The following RGS6 variants were observed in gnomAD, a reference collection of about 807,000 sequenced individuals.
RGS6 encodes regulator of G protein signaling 6.
A neutral mutation model predicts 78.5 loss-of-function variants in RGS6; 30 were observed. The observed-to-expected ratio is 0.38, with a 90% confidence interval of 0.29 to 0.52. The LOEUF is 0.52. RGS6 is among the 20% of genes least tolerant of loss of function. RGS6 has a pLI of 0.85. For synonymous variants in RGS6, 206 were observed against 206.0 expected (o/e 1.00, Z 0.00); for missense variants, 495 against 609.7 (o/e 0.81, Z 1.98).
intron 2 of RGS6, among the ~76,000 whole-genome samples, chr14:72,347,809 AAAGAGTTACCCCTTTTT>A (rs2078343011): frequency 6.6e-6 from 1 of 152,244 alleles, no homozygotes; most frequent in African/African-American, 2.4e-5. Flanking sequence ...CATAGAGAAC[AAAGAGTTACCCCTTTTT>A]AAGGTAAAAT....
At chr14:72,605,982 G>A in the RGS6 span, among the ~76,000 whole-genome samples, 1 of 152,114 alleles carries the variant, frequency 6.6e-6, no homozygotes, top group Non-Finnish European at 1.5e-5. Context: ...TCACTGGTTT[G>A]AGTTGAAAGT....
At chr14:72,538,932 C>G (rs1302321205) in intron 16 of RGS6, among the ~76,000 whole-genome samples, 2 of 152,248 alleles carry the variant, frequency 1.3e-5, no homozygotes, top group African/African-American at 4.8e-5. Flanking sequence ...GTCCGCAGAC[C>G]CACAGACCTC....
intron 2 of RGS6, among the ~76,000 whole-genome samples, chr14:72,187,782 TCA>T (rs2097266924): frequency 6.6e-6 from 1 of 152,222 alleles, no homozygotes; most frequent in Admixed American, 6.5e-5. Flanking sequence ...TCTTCATTAT[TCA>T]CAGTTTCCAT....
At chr14:72,106,337 A>G (rs577311718) in intron 2 of RGS6, among the ~76,000 whole-genome samples, 1 of 152,204 alleles carries the variant, frequency 6.6e-6, no homozygotes, top group Non-Finnish European at 1.5e-5. Context: ...AAAAAAGCAA[A>G]TGTTTGCACT....
intron 2 of RGS6, among the ~76,000 whole-genome samples, chr14:72,265,938 T>G (rs940628298): frequency 1.5e-5 from 2 of 130,848 alleles, no homozygotes; most frequent in Non-Finnish European, 3.4e-5. Flanking sequence ...ATCGCTTTTT[T>G]GGGGGGGGGG....
At chr14:72,422,052 C>A (rs946435201) in intron 3 of RGS6, among the ~76,000 whole-genome samples, 1 of 152,172 alleles carries the variant, frequency 6.6e-6, no homozygotes, top group Non-Finnish European at 1.5e-5. Flanking sequence ...ACAGAACAAA[C>A]CTCATGAGAT....
At chr14:72,088,246 A>G (rs2095129600) in intron 2 of RGS6, among the ~76,000 whole-genome samples, 12 of 152,154 alleles carry the variant, frequency 7.9e-5, no homozygotes, top group Admixed American at 7.9e-4. Flanking sequence ...TTTGTTGGTA[A>G]GAAATAAATG....
chr14:72,250,399 G>A (rs866955808), intron 2 of RGS6, among the ~76,000 whole-genome samples: 207 of 114,192 alleles, frequency 1.8e-3, no homozygotes, highest in Admixed American at 1.9e-3. Context: ...TAAATACACC[G>A]AAAAAAAAAA....
chr14:71,928,297 C>G (rs1280655433), upstream of RGS6, among the ~76,000 whole-genome samples: 2 of 152,276 alleles, frequency 1.3e-5, no homozygotes, highest in African/African-American at 2.4e-5. Flanking sequence ...TAACATGAAG[C>G]AAAAGTGACC....
rs2097301913 is a variant in RGS6 at position 72,189,979 on chromosome 14, C to T, written c.85-162116C>T. Reference sequence around the variant, plus strand: ...GCCTGTTCCTCTTTAGTTCTCTCACCCCCTGCAAATATTCTTCCTTTTTAA... The same window carrying T: ...GCCTGTTCCTCTTTAGTTCTCTCACTCCCTGCAAATATTCTTCCTTTTTAA... On this transcript the variant is annotated intron_variant, in intron 2 of 17. Coordinates refer to ENST00000553525, the MANE Select transcript of RGS6 (RefSeq NM_001204424.2). 2.0e-5 allele frequency among the ~76,000 whole-genome samples: 3 copies of T among 152,250 alleles called. No individual in the cohort carries two copies. In the South Asian group the frequency reaches 6.2e-4, roughly 32 times the overall value.
At chr14:72,033,075 C>T (rs989808144) in intron 2 of RGS6, among the ~76,000 whole-genome samples, 6 of 152,192 alleles carry the variant, frequency 3.9e-5, no homozygotes, top group African/African-American at 1.4e-4. Context: ...ATAGCTTAGC[C>T]TAGCCTACCT....
rs532970581 is a variant in RGS6, at chr14:72,388,358, G to A, written c.184+36164G>A. On this transcript the variant is annotated intron_variant, in intron 3 of 17. Coordinates refer to ENST00000553525, the MANE Select transcript of RGS6 (RefSeq NM_001204424.2). ...TATGTGCTGATGAGATCAATGGACT[G>A]TGCTACTTATTGGTCCCATAACATA... is the stretch of plus-strand genomic sequence containing the variant. Among the ~76,000 whole-genome samples the A allele has an allele frequency of 6.6e-5, 10 of 152,326 alleles. No individual in the cohort carries two copies. In the South Asian group the frequency reaches 2.1e-3, roughly 32 times the overall value.
chr14:72,615,577 T>A, the RGS6 span, among the ~76,000 whole-genome samples: 1 of 152,118 alleles, frequency 6.6e-6, no homozygotes, highest in Non-Finnish European at 1.5e-5. Context: ...CTTCCCCAGT[T>A]CTGGAGGAAT....
the RGS6 span, among the ~76,000 whole-genome samples, chr14:72,614,777 G>GGAAAAAAAAAAAAAA: frequency 2.1e-5 from 2 of 96,068 alleles, no homozygotes; most frequent in Admixed American, 1.1e-4. Flanking sequence ...ACAAGCCTCA[G>GGAAAAAAAAAAAAAA]AAAAAAAAAA....
chr14:72,432,489 G>A (rs768169275), intron 3 of RGS6, among the ~76,000 whole-genome samples: 39 of 152,210 alleles, frequency 2.6e-4, no homozygotes, highest in Non-Finnish European at 4.0e-4. Flanking sequence ...GATAAGACAT[G>A]CAAGAGGAAG....
chr14:71,948,827 C>A (rs551298899), intron 1 of RGS6, among the ~76,000 whole-genome samples: 1 of 143,062 alleles, frequency 7.0e-6, no homozygotes, highest in Non-Finnish European at 1.5e-5. Context: ...CTCAAGCAGT[C>A]CTCCCACTTC....
intron 2 of RGS6, among the ~76,000 whole-genome samples, chr14:72,217,892 T>C (rs1473297599): frequency 6.6e-6 from 1 of 152,228 alleles, no homozygotes; most frequent in African/African-American, 2.4e-5. Flanking sequence ...TATATATGTA[T>C]TCACACACAT....
intron 2 of RGS6, among the ~76,000 whole-genome samples, chr14:72,156,983 C>T (rs1261136514): frequency 1.3e-5 from 2 of 152,144 alleles, no homozygotes; most frequent in Non-Finnish European, 2.9e-5. Context: ...GGGAGGCTGG[C>T]TCTGAATCTG....
At chr14:72,291,663 A>G (rs530435170) in intron 2 of RGS6, among the ~76,000 whole-genome samples, 1 of 152,334 alleles carries the variant, frequency 6.6e-6, no homozygotes, top group Non-Finnish European at 1.5e-5. Flanking sequence ...ACCTAGAAAG[A>G]TAGAGCAGAG....
Sources: allele counts gnomAD v4.1 joint callset (sites outside exome capture counted in the v4.1 genomes callset), GRCh38; gene constraint gnomAD v4.1.1; transcripts MANE v1.5; gene names NCBI Gene and HGNC (gene_info 2026-07-23, HGNC 2026-07-21).